Variants in DENND5B observed in about 807,000 individuals in gnomAD.
DENND5B encodes DENN domain containing 5B.
Under a neutral mutation model 140.6 loss-of-function variants are expected in DENND5B, and 34 were observed. The ratio of observed to expected loss-of-function variants is 0.24; its 90% CI spans 0.18 to 0.32. The LOEUF is 0.32. Ranked by LOEUF, DENND5B falls within the 10% of genes least tolerant of loss-of-function variation. The pLI, the probability that DENND5B is intolerant of heterozygous loss-of-function variation, is 1.00. For synonymous variants in DENND5B, 551 were observed against 562.1 expected, an observed-to-expected ratio of 0.98 and a Z score of 0.28; for missense variants, 1,142 against 1,560.2, an observed-to-expected ratio of 0.73 and a Z score of 4.52.
intron 1 of DENND5B, among the ~76,000 whole-genome samples, chr12:31,515,039 C>T (rs2351921): frequency 0.42 from 64,202 of 152,020 alleles, 13,956 homozygotes; most frequent in Admixed American, 0.57. Flanking sequence ...GAAAGGATTA[C>T]TTGAGCACAG....
chr12:31,482,380 G>A (rs1946101763), intron 2 of DENND5B, among the ~76,000 whole-genome samples: 1 of 152,132 alleles, frequency 6.6e-6, no homozygotes, highest in South Asian at 2.1e-4. Context: ...CTGAAGTTCT[G>A]ATTTCTTCCT....
intron 16 of DENND5B, 117 bp from the exon 17 acceptor site, chr12:31,398,479 G>T: frequency 1.0e-6 from 1 of 977,522 alleles, no homozygotes; most frequent in Non-Finnish European, 1.5e-6. Context: ...TAATTTTTGT[G>T]TTTTTTATAG....
At chr12:31,469,598 G>A (rs1945447241) in intron 3 of DENND5B, among the ~76,000 whole-genome samples, 1 of 152,084 alleles carries the variant, frequency 6.6e-6, no homozygotes, top group Non-Finnish European at 1.5e-5. Context: ...GATGGTGTTG[G>A]GGAACCCCTG....
rs1007790952 is a variant in DENND5B at position 31,469,549 on chromosome 12, G to C, written c.905-9168C>G. Reference sequence around the variant, plus strand: ...AGTAAAGTGCTTTCTTGAGTTCTGTGAATCATTCTGGGAATTTATAGAACT... The same window carrying C: ...AGTAAAGTGCTTTCTTGAGTTCTGTCAATCATTCTGGGAATTTATAGAACT... On this transcript the variant is annotated intron_variant, in intron 3 of 20. Coordinates refer to ENST00000389082, the MANE Select transcript of DENND5B (RefSeq NM_144973.4). Among the ~76,000 whole-genome samples, 3 of 152,118 alleles carry C rather than the reference G, an allele frequency of 2.0e-5. No individual in the cohort carries two copies. The East Asian group carries it at 5.8e-4, about 29-fold the overall frequency.
At chr12:31,471,337 A>C (rs1591857863) in intron 3 of DENND5B, among the ~76,000 whole-genome samples, 1 of 152,120 alleles carries the variant, frequency 6.6e-6, no homozygotes, top group South Asian at 2.1e-4. Flanking sequence ...GTGTTTGAGA[A>C]GGAGTCTCGC....
intron 5 of DENND5B, among the ~76,000 whole-genome samples, chr12:31,450,353 TA>T (rs1268586670): frequency 1.1e-5 from 1 of 87,736 alleles, no homozygotes; most frequent in Admixed American, 1.5e-4. Context: ...TCTGATGAAG[TA>T]AAAAAATTAT....
At chr12:31,471,967 G>A (rs1591859672) in intron 3 of DENND5B, among the ~76,000 whole-genome samples, 1 of 152,272 alleles carries the variant, frequency 6.6e-6, no homozygotes, top group South Asian at 2.1e-4. Flanking sequence ...GAACACCCCA[G>A]ATGAAGAAGC....
intron 11 of DENND5B, among the ~76,000 whole-genome samples, chr12:31,416,391 G>A (rs1049314570): frequency 1.3e-5 from 2 of 152,076 alleles, no homozygotes; most frequent in East Asian, 1.9e-4. Flanking sequence ...AGCCTCCCGA[G>A]TAGCTGGGAC....
intron 1 of DENND5B, among the ~76,000 whole-genome samples, chr12:31,535,717 C>T (rs559085213): frequency 1.2e-4 from 18 of 152,252 alleles, no homozygotes; most frequent in Admixed American, 3.3e-4. Context: ...ACAGTAAATA[C>T]CTGACTCTTC....
At chr12:31,392,527 A>G in intron 18 of DENND5B, 87 bp downstream of exon 18, 1 of 1,521,272 alleles carries the variant, frequency 6.6e-7, no homozygotes, top group East Asian at 2.4e-5. Context: ...ACAAATGAAA[A>G]TTCAAGCACC....
intron 8 of DENND5B, 43 bp downstream of exon 8, chr12:31,433,112 A>G (rs760961561): frequency 6.5e-7 from 1 of 1,531,300 alleles, no homozygotes; most frequent in South Asian, 1.1e-5. Context: ...AGCCTAGTTC[A>G]TGGCGCTTGC....
At chr12:31,424,191 A>C (rs1943142328) in intron 10 of DENND5B, among the ~76,000 whole-genome samples, 1 of 152,128 alleles carries the variant, frequency 6.6e-6, no homozygotes, top group South Asian at 2.1e-4. Context: ...AAGCAAAGAG[A>C]CCATTTGAAT....
chr12:31,430,443 A>T (rs1170065925), intron 8 of DENND5B, among the ~76,000 whole-genome samples: 8 of 144,054 alleles, frequency 5.6e-5, no homozygotes, highest in African/African-American at 2.0e-4. Context: ...CACAAGGTCA[A>T]GAGATCGAGA....
intron 1 of DENND5B, among the ~76,000 whole-genome samples, chr12:31,586,880 T>G (rs1415051479): frequency 1.3e-5 from 2 of 152,244 alleles, no homozygotes; most frequent in African/African-American, 2.4e-5. Context: ...TCATTAACTT[T>G]GAAATTAATG....
At chr12:31,449,731 G>GTTTGTTT (rs1555149741) in intron 5 of DENND5B, among the ~76,000 whole-genome samples, 1 of 89,970 alleles carries the variant, frequency 1.1e-5, no homozygotes, top group Non-Finnish European at 2.1e-5. Context: ...ACACAGATTA[G>GTTTGTTT]TTTTTTTTTT....
At chr12:31,428,555 C>T (rs530243503) in intron 8 of DENND5B, among the ~76,000 whole-genome samples, 10 of 151,590 alleles carry the variant, frequency 6.6e-5, no homozygotes, top group African/African-American at 2.2e-4. Context: ...GCACGCGCCA[C>T]CATGCCCAGC....
At chr12:31,550,237 CCA>C (rs1949001231) in intron 1 of DENND5B, among the ~76,000 whole-genome samples, 1 of 123,874 alleles carries the variant, frequency 8.1e-6, no homozygotes, top group Admixed American at 8.8e-5. Flanking sequence ...ACAACAGTCC[CCA>C]GTGTGTGATG....
chr12:31,511,859 A>C (rs1462953824), intron 1 of DENND5B, among the ~76,000 whole-genome samples: 1 of 151,492 alleles, frequency 6.6e-6, no homozygotes, highest in Non-Finnish European at 1.5e-5. Flanking sequence ...ATTCATTTCA[A>C]AGCCTTGACT....
At chr12:31,507,498 G>C (rs1421041191) in intron 1 of DENND5B, among the ~76,000 whole-genome samples, 1 of 152,022 alleles carries the variant, frequency 6.6e-6, no homozygotes, top group Non-Finnish European at 1.5e-5. Flanking sequence ...CACAACAGCA[G>C]ATTATTTACT....
Sources: allele counts gnomAD v4.1 joint callset (sites outside exome capture counted in the v4.1 genomes callset), GRCh38; gene constraint gnomAD v4.1.1; transcripts MANE v1.5; gene names NCBI Gene and HGNC (gene_info 2026-07-23, HGNC 2026-07-21).